The following TPX2 variants were observed in gnomAD, a reference collection of about 807,000 sequenced individuals.
TPX2 encodes the protein TPX2 microtubule nucleation factor.
TPX2 carries 21 observed loss-of-function variants against 93.6 expected under a neutral mutation model. The ratio of observed to expected loss-of-function variants is 0.22; its 90% CI spans 0.16 to 0.32. The LOEUF is 0.32. TPX2 is among the 10% of genes least tolerant of loss of function. The pLI is 1.00. For missense variants in TPX2, 776 were observed against 871.1 expected, an observed-to-expected ratio of 0.89 and a Z score of 1.37; for synonymous variants, 281 against 298.3, an observed-to-expected ratio of 0.94 and a Z score of 0.60.
chr20:31,789,390 C>T (rs2062086630), intron 12 of TPX2, among the ~76,000 whole-genome samples: 2 of 152,048 alleles, frequency 1.3e-5, no homozygotes, highest in Non-Finnish European at 2.9e-5. Context: ...ACTAGGAATT[C>T]AAAGATGGTA....
intron 15 of TPX2, among the ~76,000 whole-genome samples, chr20:31,797,090 C>A (rs1600396331): frequency 6.8e-6 from 1 of 147,532 alleles, no homozygotes; most frequent in African/African-American, 2.5e-5. Flanking sequence ...TACCCTAAAA[C>A]TTAAAGTATA....
intron 2 of TPX2, among the ~76,000 whole-genome samples, chr20:31,752,369 G>T (rs1218896672): frequency 6.6e-6 from 1 of 152,122 alleles, no homozygotes; most frequent in African/African-American, 2.4e-5. Flanking sequence ...CTGTCCCATG[G>T]CTACCCCAAG....
intron 7 of TPX2, among the ~76,000 whole-genome samples, chr20:31,773,163 T>TG (rs1353043981): frequency 1.0e-4 from 15 of 146,734 alleles, no homozygotes; most frequent in African/African-American, 3.8e-4. Context: ...TTTTTTTTTT[T>TG]TTTTGTGAGA....
chr20:31,798,612 C>A, intron 17 of TPX2, 60 bp downstream of exon 17: 1 of 1,493,338 alleles, frequency 6.7e-7, no homozygotes, highest in Non-Finnish European at 8.9e-7. Context: ...TTTACCTGTA[C>A]CTTACCTTGT....
chr20:31,788,329 A>G (rs1444153046), intron 12 of TPX2, among the ~76,000 whole-genome samples: 1 of 150,668 alleles, frequency 6.6e-6, no homozygotes, highest in Non-Finnish European at 1.5e-5. Context: ...GAGGCAGGAG[A>G]ATTGCATGAA....
chr20:31,771,907 A>G (rs535650104), intron 7 of TPX2, among the ~76,000 whole-genome samples: 72 of 152,132 alleles, frequency 4.7e-4, no homozygotes, highest in Non-Finnish European at 7.6e-4. Context: ...GTTGGTGTGC[A>G]GTGATGCAAT....
intron 2 of TPX2, among the ~76,000 whole-genome samples, chr20:31,754,979 G>T (rs1288638045): frequency 6.6e-6 from 1 of 152,082 alleles, no homozygotes; most frequent in Non-Finnish European, 1.5e-5. Flanking sequence ...CCGGAGTCTC[G>T]CTCTTGTCAC....
chr20:31,743,043 A>G (rs1222400738), intron 2 of TPX2, among the ~76,000 whole-genome samples: 2 of 152,032 alleles, frequency 1.3e-5, no homozygotes, highest in African/African-American at 4.8e-5. Flanking sequence ...GCAAAACCCC[A>G]TCTCTACTAA....
intron 4 of TPX2, among the ~76,000 whole-genome samples, chr20:31,764,867 T>C (rs1246317524): frequency 6.6e-6 from 1 of 152,212 alleles, no homozygotes; most frequent in Non-Finnish European, 1.5e-5. Flanking sequence ...TTAATTCCTT[T>C]ATCAGGAGTC....
intron 2 of TPX2, among the ~76,000 whole-genome samples, chr20:31,746,391 C>G (rs915222962): frequency 4.6e-5 from 7 of 152,300 alleles, no homozygotes; most frequent in Non-Finnish European, 8.8e-5. Flanking sequence ...CTCTATTTTA[C>G]TTGTGGTAAT....
chr20:31,795,636 C>G (rs2062134080), intron 15 of TPX2, among the ~76,000 whole-genome samples: 1 of 152,238 alleles, frequency 6.6e-6, no homozygotes, highest in Admixed American at 6.5e-5. Context: ...AAGATCTTAT[C>G]TATTCCATCT....
intron 7 of TPX2, among the ~76,000 whole-genome samples, chr20:31,773,419 G>A (rs2061976721): frequency 6.8e-6 from 1 of 146,782 alleles, no homozygotes; most frequent in Non-Finnish European, 1.6e-5. Flanking sequence ...CCAAAGTGCT[G>A]GGATTACAGG....
In TPX2 at chr20:31,798,459, G is replaced by A. The variant is rs1346727253; in HGVS notation, c.2040G>A (p.Glu680=). 1 of 1,613,958 alleles carries A rather than the reference G, an allele frequency of 6.2e-7. No individual in the cohort carries two copies. The highest frequency in any genetic ancestry group is 8.5e-7 in the Non-Finnish European group (1 of 1,180,038). The part of the protein sequence containing the change: ...ERQELEKRMA[E]VEAQKAQQLE... ...AGGAGCTGGAGAAGAGAATGGCTGA[G>A]GTAGAAGCCCAGAAAGCCCAGCAGT... is the stretch of plus-strand genomic sequence containing the variant. Residue 680 remains glutamate (E), a synonymous_variant, in exon 17 of 18, where the codon GAG becomes GAA. Transcript: ENST00000300403.
chr20:31,740,205 G>A (rs150287092), intron 1 of TPX2, among the ~76,000 whole-genome samples: 1 of 152,270 alleles, frequency 6.6e-6, no homozygotes, highest in African/African-American at 2.4e-5. Context: ...TAGTAGTTCA[G>A]TAACATGGAC....
intron 4 of TPX2, among the ~76,000 whole-genome samples, chr20:31,762,603 G>A (rs982894280): frequency 6.6e-6 from 1 of 151,992 alleles, no homozygotes; most frequent in African/African-American, 2.4e-5. Flanking sequence ...TCCCACCTCG[G>A]CCTCCCAAAG....
intron 8 of TPX2, among the ~76,000 whole-genome samples, 193 bp downstream of exon 8, chr20:31,776,181 C>T (rs995488746): frequency 5.4e-5 from 8 of 149,202 alleles, no homozygotes; most frequent in Admixed American, 3.4e-4. Context: ...CCCAGGTTCA[C>T]GCCATTCTCC....
At chr20:31,747,050 G>T (rs1246530614) in intron 2 of TPX2, among the ~76,000 whole-genome samples, 2 of 152,188 alleles carry the variant, frequency 1.3e-5, no homozygotes, top group East Asian at 3.8e-4. Flanking sequence ...CCCTCTTGCA[G>T]CAAGGATAGC....
chr20:31,741,901 C>T (rs562352514), intron 1 of TPX2, among the ~76,000 whole-genome samples: 2 of 152,204 alleles, frequency 1.3e-5, no homozygotes, highest in Admixed American at 1.3e-4. Flanking sequence ...AGGTGTGAGC[C>T]ACCTTGCCTG....
At chr20:31,762,291 A>G (rs576407852) in intron 4 of TPX2, among the ~76,000 whole-genome samples, 46 of 152,280 alleles carry the variant, frequency 3.0e-4, no homozygotes, top group African/African-American at 1.1e-3. Context: ...GGTCATGTTC[A>G]TAGGATCTTT....
Sources: gnomAD v4.1 joint callset for allele counts (sites outside exome capture counted in the v4.1 genomes callset) on GRCh38, gnomAD v4.1.1 for gene constraint, MANE v1.5 for transcripts, NCBI Gene and HGNC (gene_info 2026-07-23, HGNC 2026-07-21) for gene names.